LNPEP: variants seen among roughly 807,000 people sequenced by gnomAD.
LNPEP encodes the protein leucyl-cystinyl aminopeptidase.
A neutral mutation model predicts 120.6 loss-of-function variants in LNPEP; 64 were observed. The observed-to-expected ratio is 0.53, with a 90% CI of 0.43 to 0.65. LNPEP has a LOEUF of 0.65. Ranked by LOEUF, LNPEP falls within the 30% of genes least tolerant of loss-of-function variation. The pLI, the probability that LNPEP is intolerant of heterozygous loss-of-function variation, is 0.00. For missense variants in LNPEP, 1,057 were observed against 1,200.0 expected (o/e 0.88, Z 1.76); for synonymous variants, 435 against 425.4 (o/e 1.02, Z -0.28).
At chr5:96,948,068 G>C (rs926512362) in intron 1 of LNPEP, among the ~76,000 whole-genome samples, 9 of 151,712 alleles carry the variant, frequency 5.9e-5, no homozygotes, top group Non-Finnish European at 8.8e-5. Context: ...TGGGGAAGGG[G>C]CAGTGGTGAT....
rs1414553384 is a variant in LNPEP at position 96,993,168 on chromosome 5, A to G, written c.1252+33A>G. On this transcript the variant is annotated intron_variant, in intron 5 of 17. Transcript: ENST00000231368. The stretch of plus-strand genomic sequence containing the variant: ...TCAAATAGTGTGTCTGATTTTTGTT[A>G]TAATTAGAACCTAGATTTATTTTGT... 2.7e-6 allele frequency: 4 copies of G among 1,471,322 alleles called. No individual in the cohort carries two copies. In the African/African-American group the frequency reaches 5.7e-5, roughly 21 times the overall value. The allele number at this position is 1,471,322 out of a possible 1,614,324, so 91.1% of individuals were successfully genotyped here. A position where few individuals can be genotyped will look rare whatever the true frequency, so the allele number is the denominator to read the frequency against.
At chr5:96,988,865 A>G (rs1308590828) in intron 4 of LNPEP, among the ~76,000 whole-genome samples, 3 of 152,076 alleles carry the variant, frequency 2.0e-5, no homozygotes, top group Non-Finnish European at 4.4e-5. Flanking sequence ...CTCCTGCCTC[A>G]ACCTCCCAAA....
intron 11 of LNPEP, among the ~76,000 whole-genome samples, chr5:97,007,883 G>A (rs968472454): frequency 3.3e-5 from 5 of 152,084 alleles, no homozygotes; most frequent in South Asian, 2.1e-4. Flanking sequence ...TAACCAAATC[G>A]CCCTTTTTAT....
intron 2 of LNPEP, among the ~76,000 whole-genome samples, chr5:96,984,603 T>C (rs555616541): frequency 6.6e-6 from 1 of 152,314 alleles, no homozygotes; most frequent in Non-Finnish European, 1.5e-5. Context: ...GGCAAAACTC[T>C]TGGTGGGCTT....
In LNPEP at chr5:97,030,303, G is replaced by C. The variant is rs1791442684; in HGVS notation, c.*1770G>C. ...TATGTCTTATTCAACTGAAGTGATTGTAAGTCTTTATTCTTGTGCTTTGGT... is the reference window on the plus strand; with the variant it reads ...TATGTCTTATTCAACTGAAGTGATTCTAAGTCTTTATTCTTGTGCTTTGGT... On this transcript the variant is annotated 3_prime_UTR_variant, in exon 18 of 18. Transcript: ENST00000231368. 1 of 152,098 alleles carries C rather than the reference G, an allele frequency of 6.6e-6. No individual in the cohort carries two copies. Among genetic ancestry groups the C allele is most frequent in the South Asian group, 2.1e-4 (1 of 4,824 alleles). 9.4% of individuals were successfully genotyped at this position (152,098 alleles called of 1,614,324 possible). A position where few individuals can be genotyped will look rare whatever the true frequency, so the allele number is the denominator to read the frequency against.
At chr5:96,974,426 C>T (rs1789941250) in intron 1 of LNPEP, among the ~76,000 whole-genome samples, 1 of 152,138 alleles carries the variant, frequency 6.6e-6, no homozygotes, top group Admixed American at 6.5e-5. Context: ...CTCCCTGTCC[C>T]TCTGGATGCT....
rs1007358486 is a variant in LNPEP, at chr5:96,938,194, A to G, written c.19+2020A>G. Among the ~76,000 whole-genome samples the G allele has an allele frequency of 2.6e-5, 4 of 152,372 alleles. No individual in the cohort carries two copies. The South Asian group carries it at 8.3e-4, about 32-fold the overall frequency. On this transcript the variant is annotated intron_variant, in intron 1 of 17. Coordinates refer to ENST00000231368, the MANE Select transcript of LNPEP (RefSeq NM_005575.3). ...AAATGACATGGTACAGTAGACAGTTATATACTTCATCCTTTTGAGTACAAA... is the reference window on the plus strand; with the variant it reads ...AAATGACATGGTACAGTAGACAGTTGTATACTTCATCCTTTTGAGTACAAA...
intron 3 of LNPEP, among the ~76,000 whole-genome samples, chr5:96,986,115 G>T (rs1273845829): frequency 6.6e-6 from 1 of 152,048 alleles, no homozygotes; most frequent in African/African-American, 2.4e-5. Flanking sequence ...CCTCAACATG[G>T]CACCCCATGA....
intron 7 of LNPEP, among the ~76,000 whole-genome samples, 177 bp from the exon 8 acceptor site, chr5:96,997,837 T>G (rs1315761177): frequency 2.6e-5 from 4 of 152,166 alleles, no homozygotes; most frequent in Non-Finnish European, 5.9e-5. Flanking sequence ...TTAAGGAATA[T>G]TCATGAAGTT....
chr5:97,022,273 C>G, intron 13 of LNPEP, 27 bp from the exon 14 acceptor site: 1 of 1,296,888 alleles, frequency 7.7e-7, no homozygotes, highest in Non-Finnish European at 1.1e-6. Context: ...TATTATGAAG[C>G]CATTATAATC....
At chr5:97,025,504 A>G (rs1791315601) in intron 15 of LNPEP, among the ~76,000 whole-genome samples, 1 of 152,232 alleles carries the variant, frequency 6.6e-6, no homozygotes, top group African/African-American at 2.4e-5. Flanking sequence ...TAATACACTA[A>G]GAATGCCCAT....
At chr5:96,936,268 C>A in intron 1 of LNPEP, 94 bp downstream of exon 1, 2 of 1,052,884 alleles carry the variant, frequency 1.9e-6, no homozygotes, top group Non-Finnish European at 2.5e-6. Flanking sequence ...GCAGCCGTCT[C>A]CCCCAACACC....
chr5:97,010,713 T>C, intron 11 of LNPEP: 7 of 985,396 alleles, frequency 7.1e-6, no homozygotes, highest in Non-Finnish European at 7.2e-6. Context: ...TGCTCACTCT[T>C]TTTTGCTACT....
rs959441505 is a variant in LNPEP, at chr5:97,018,390, A to G, written c.2376+3295A>G. Among the ~76,000 whole-genome samples the G allele has an allele frequency of 2.0e-5, 3 of 152,006 alleles. No homozygotes were observed. The East Asian group carries it at 5.8e-4, about 29-fold the overall frequency. ...TCTTTGAACTGCATCTTCATCCCAG[A>G]TGATTTCCAGCTTTCTGGGCAGATA... On this transcript the variant is annotated intron_variant, in intron 13 of 17. Coordinates refer to ENST00000231368, the MANE Select transcript of LNPEP (RefSeq NM_005575.3).
chr5:96,961,646 TC>T (rs1021473429), intron 1 of LNPEP, among the ~76,000 whole-genome samples: 12 of 152,026 alleles, frequency 7.9e-5, no homozygotes, highest in Non-Finnish European at 1.3e-4. Flanking sequence ...CAGGATCCCC[TC>T]CCCCCTACCA....
chr5:96,994,561 A>T (rs578048215), intron 6 of LNPEP, among the ~76,000 whole-genome samples: 8 of 151,866 alleles, frequency 5.3e-5, no homozygotes, highest in African/African-American at 1.9e-4. Context: ...TGTTTGTATG[A>T]CATGGAGAGA....
At chr5:97,018,880 T>C (rs116459265) in intron 13 of LNPEP, among the ~76,000 whole-genome samples, 4 of 152,356 alleles carry the variant, frequency 2.6e-5, no homozygotes, top group Non-Finnish European at 4.4e-5. Context: ...TGGAGGCACA[T>C]TTCAATTGTG....
At chr5:96,988,938 A>G (rs908747613) in intron 4 of LNPEP, among the ~76,000 whole-genome samples, 4 of 152,098 alleles carry the variant, frequency 2.6e-5, no homozygotes, top group African/African-American at 9.7e-5. Context: ...TAATTGCCTC[A>G]TTATGAATTC....
At chr5:96,965,113 G>A (rs903056903) in intron 1 of LNPEP, among the ~76,000 whole-genome samples, 1 of 152,008 alleles carries the variant, frequency 6.6e-6, no homozygotes, top group African/African-American at 2.4e-5. Context: ...ATTTTGCACT[G>A]TACAGTAAAT....
Sources: allele counts gnomAD v4.1 joint callset (sites outside exome capture counted in the v4.1 genomes callset), GRCh38; gene constraint gnomAD v4.1.1; transcripts MANE v1.5; gene names NCBI Gene and HGNC (gene_info 2026-07-23, HGNC 2026-07-21).